VWA3B: variants seen among roughly 807,000 people sequenced by gnomAD.
VWA3B encodes von Willebrand factor A domain-containing protein 3B.
VWA3B carries 138 observed loss-of-function variants against 158.3 expected under a neutral mutation model. The ratio of observed to expected loss-of-function variants is 0.87; its 90% CI spans 0.76 to 1.00. VWA3B has a LOEUF of 1.00. VWA3B is among the 50% of genes least tolerant of loss of function. VWA3B has a pLI of 0.00. For synonymous variants in VWA3B, 596 were observed against 587.3 expected (o/e 1.01, Z -0.21); for missense variants, 1,555 against 1,565.1 (o/e 0.99, Z 0.11).
the VWA3B span, among the ~76,000 whole-genome samples, chr2:98,323,285 A>G: frequency 2.0e-5 from 3 of 152,220 alleles, no homozygotes; most frequent in African/African-American, 7.2e-5. Flanking sequence ...AAAAGTTACT[A>G]CATAAAGTAC....
At chr2:98,134,174 G>A (rs1469865404) in intron 7 of VWA3B, among the ~76,000 whole-genome samples, 2 of 152,214 alleles carry the variant, frequency 1.3e-5, no homozygotes, top group Non-Finnish European at 2.9e-5. Flanking sequence ...ACTAACTTGA[G>A]AACCTGCTGG....
Position 98,129,220 on chromosome 2 carries a change from AGAGAGT to A in VWA3B, c.872+814_872+819del, listed in dbSNP as rs1220171508. ...AGAGAGAGAGAGGAGAGAGAGAGAG[AGAGAGT>A]GTGTGTGTGTGTGTGTGTGTGTGTG... On this transcript the variant is annotated intron_variant, in intron 6 of 27. Transcript: ENST00000477737. 3.4e-5 allele frequency among the ~76,000 whole-genome samples: 4 copies of A among 115,994 alleles called. No individual in the cohort carries two copies. The East Asian group carries it at 8.4e-4, about 24-fold the overall frequency. The allele number at this position is 115,994 out of a possible 152,430, so 76.1% of individuals were successfully genotyped here. A position where few individuals can be genotyped will look rare whatever the true frequency, so the allele number is the denominator to read the frequency against.
Position 98,152,907 on chromosome 2 carries a change from C to T in VWA3B, c.989-9944C>T, listed in dbSNP as rs116715532. Among the ~76,000 whole-genome samples, 458 of 152,334 alleles carry T rather than the reference C, an allele frequency of 3.0e-3. 3 individuals are homozygous for T. The highest frequency in any genetic ancestry group is 0.01 in the African/African-American group (417 of 41,580). On this transcript the variant is annotated intron_variant, in intron 7 of 27. Transcript: ENST00000477737. The stretch of plus-strand genomic sequence containing the variant: ...TATACACAAGGGAGAAGAGGAGGCA[C>T]ATTGCAAATGGTGCATATTTTCAAC...
chr2:98,134,032 C>A, intron 7 of VWA3B, 93 bp downstream of exon 7: 1 of 1,015,340 alleles, frequency 9.8e-7, no homozygotes, highest in Non-Finnish European at 1.5e-6. Flanking sequence ...GGGAGAGACT[C>A]CCCATGTCTT....
At chr2:98,304,076 T>C (rs1304267922) in intron 26 of VWA3B, among the ~76,000 whole-genome samples, 1 of 152,188 alleles carries the variant, frequency 6.6e-6, no homozygotes, top group Non-Finnish European at 1.5e-5. Context: ...TCCCCTTTTA[T>C]TTGTAAAGAC....
At chr2:98,206,032 G>A (rs1315304047) in intron 12 of VWA3B, 1 of 152,174 alleles carries the variant, frequency 6.6e-6, no homozygotes, top group Non-Finnish European at 1.5e-5. Context: ...ATCTCAATTA[G>A]ATCTGGTTAG....
Position 98,234,701 on chromosome 2 carries a change from G to A in VWA3B, c.2362G>A (p.Ala788Thr), listed in dbSNP as rs577011715. Residue 788 changes from alanine (A) to threonine (T), a missense_variant, in exon 17 of 28, where the codon GCT becomes ACT. Ala to Thr is a moderately conservative substitution (Grantham distance 58, BLOSUM62 0). Coordinates refer to ENST00000477737, the MANE Select transcript of VWA3B (RefSeq NM_144992.5). ...CCAGATGTCCTCCCTCAGGAGCTCA[G>A]CTTGCAGTGAAAGGAAGGATGGCCT... is the stretch of plus-strand genomic sequence containing the variant. Reference protein sequence around the residue: ...RSQMSSLRSSACSERKDGLSN... With the variant: ...RSQMSSLRSSTCSERKDGLSN... 12 of 1,614,154 alleles carry A rather than the reference G, an allele frequency of 7.4e-6. No individual in the cohort carries two copies. The Admixed American group carries it at 1.2e-4, about 16-fold the overall frequency.
intron 19 of VWA3B, among the ~76,000 whole-genome samples, chr2:98,247,391 A>G (rs1342719213): frequency 1.3e-5 from 2 of 152,150 alleles, no homozygotes; most frequent in African/African-American, 4.8e-5. Flanking sequence ...ATTAGTCATT[A>G]AAAACCTTTC....
At chr2:98,205,611 C>T (rs1682950143) in intron 12 of VWA3B, among the ~76,000 whole-genome samples, 2 of 152,100 alleles carry the variant, frequency 1.3e-5, no homozygotes, top group Admixed American at 1.3e-4. Flanking sequence ...GAGGTAGGAA[C>T]ATAAATTATA....
At chr2:98,208,753 T>C (rs6747344) in intron 12 of VWA3B, among the ~76,000 whole-genome samples, 86,998 of 152,082 alleles carry the variant, frequency 0.57, 25,350 homozygotes, top group South Asian at 0.81. Flanking sequence ...TGCTAAACTT[T>C]TGCTTCAATC....
chr2:98,284,086 G>A (rs1315324225), intron 22 of VWA3B, among the ~76,000 whole-genome samples: 1 of 152,230 alleles, frequency 6.6e-6, no homozygotes, highest in Admixed American at 6.5e-5. Context: ...AGTTCCACAA[G>A]TAGGGAGGGA....
intron 7 of VWA3B, among the ~76,000 whole-genome samples, chr2:98,158,936 C>T (rs1442301286): frequency 1.3e-5 from 2 of 152,158 alleles, no homozygotes; most frequent in Admixed American, 1.3e-4. Flanking sequence ...CAATAGGACC[C>T]ACCCACTACA....
intron 2 of VWA3B, among the ~76,000 whole-genome samples, chr2:98,107,900 C>T (rs1673803101): frequency 1.3e-5 from 2 of 151,466 alleles, no homozygotes; most frequent in Non-Finnish European, 3.0e-5. Context: ...TTTCCTTCTG[C>T]TTGTTTGGGT....
rs369132171 is a variant in VWA3B at position 98,268,122 on chromosome 2, C to G, written c.2844-2560C>G. 2.8e-4 allele frequency among the ~76,000 whole-genome samples: 43 copies of G among 151,706 alleles called. No individual in the cohort carries two copies. The East Asian group carries it at 5.2e-3, about 18-fold the overall frequency. On this transcript the variant is annotated intron_variant, in intron 21 of 27. Transcript: ENST00000477737. The stretch of plus-strand genomic sequence containing the variant: ...ATTCTACCAGAGGTACAAGGAGGAA[C>G]TGGTACCATTCCTTCTGAAACTATT...
chr2:98,307,192 C>T (rs369227781), intron 26 of VWA3B, among the ~76,000 whole-genome samples: 9 of 152,298 alleles, frequency 5.9e-5, no homozygotes, highest in East Asian at 1.9e-4. Flanking sequence ...TAATTTCTTC[C>T]GCAAGGCCAT....
At chr2:98,250,295 T>G in intron 19 of VWA3B, 23 bp from the exon 20 acceptor site, 2 of 1,592,836 alleles carry the variant, frequency 1.3e-6, no homozygotes, top group Non-Finnish European at 1.7e-6. Flanking sequence ...GACACTTTCC[T>G]TTCCTTTGCC....
chr2:98,191,233 C>T (rs1222287456), intron 10 of VWA3B, among the ~76,000 whole-genome samples: 1 of 152,088 alleles, frequency 6.6e-6, no homozygotes, highest in African/African-American at 2.4e-5. Context: ...TCTGTTTATA[C>T]TTTACCTTTT....
intron 7 of VWA3B, among the ~76,000 whole-genome samples, chr2:98,134,249 G>A (rs1402596775): frequency 6.6e-6 from 1 of 152,216 alleles, no homozygotes; most frequent in Non-Finnish European, 1.5e-5. Flanking sequence ...ACTCTGCTGT[G>A]TGGATTAGTT....
intron 12 of VWA3B, chr2:98,207,615 A>T (rs1002557119): frequency 2.1e-5 from 10 of 477,624 alleles, no homozygotes; most frequent in Non-Finnish European, 3.3e-5. Flanking sequence ...CCATTAAAGG[A>T]TTTCAGCAGA....
Sources: gnomAD v4.1 joint callset for allele counts (sites outside exome capture counted in the v4.1 genomes callset) on GRCh38, gnomAD v4.1.1 for gene constraint, MANE v1.5 for transcripts, NCBI Gene and HGNC (gene_info 2026-07-23, HGNC 2026-07-21) for gene names.